NUP133: variants seen among roughly 807,000 people sequenced by gnomAD.
The protein encoded by NUP133 is nucleoporin 133.
A neutral mutation model predicts 146.2 loss-of-function variants in NUP133; 66 were observed. That is an observed-to-expected ratio of 0.45 (90% CI 0.37 to 0.55). The LOEUF is 0.55. Ranked by LOEUF, NUP133 falls within the 20% of genes least tolerant of loss-of-function variation. NUP133 has a pLI of 0.00. For missense variants in NUP133, 1,277 were observed against 1,374.8 expected, an observed-to-expected ratio of 0.93 and a Z score of 1.12; for synonymous variants, 521 against 498.8, an observed-to-expected ratio of 1.04 and a Z score of -0.59.
rs190247280 is a variant in NUP133, at chr1:229,445,023, G to A, written c.3246-21C>T. ...ACCAGCTAGAAAACAAAATCATTAT[G>A]AGGGAAAAATGAAATCACTGATATA... On this transcript the variant is annotated intron_variant, in intron 24 of 25. Coordinates refer to ENST00000261396, the MANE Select transcript of NUP133 (RefSeq NM_018230.3). 27 of 1,535,578 alleles carry A rather than the reference G, an allele frequency of 1.8e-5. No individual in the cohort carries two copies. The African/African-American group carries it at 2.7e-4, about 16-fold the overall frequency.
At position 229,466,806 on chromosome 1, in the gene NUP133, G is replaced by A. The variant is rs925362857; in HGVS notation, c.2077-50C>T. 6 of 1,589,302 alleles carry A rather than the reference G, an allele frequency of 3.8e-6. No homozygotes were observed. In the African/African-American group the frequency reaches 4.0e-5, roughly 11 times the overall value. The stretch of plus-strand genomic sequence containing the variant: ...TACTTACAACAAAAATTATGGTGAT[G>A]GGTAACAACTACCCAGTGAGTTTTA... On this transcript the variant is annotated intron_variant, in intron 15 of 25. Transcript: ENST00000261396.
chr1:229,497,279 A>G (rs894811393), intron 6 of NUP133, among the ~76,000 whole-genome samples: 1 of 152,236 alleles, frequency 6.6e-6, no homozygotes, highest in African/African-American at 2.4e-5. Flanking sequence ...AGAGGGAGAC[A>G]CAAAAAATAA....
At chr1:229,497,692 G>A (rs1386933299) in intron 6 of NUP133, among the ~76,000 whole-genome samples, 5 of 152,130 alleles carry the variant, frequency 3.3e-5, no homozygotes, top group Non-Finnish European at 5.9e-5. Context: ...ACCGAGCAGC[G>A]AGTAGATGGT....
chr1:229,503,171 G>A (rs1189839698), intron 2 of NUP133, among the ~76,000 whole-genome samples: 1 of 151,952 alleles, frequency 6.6e-6, no homozygotes, highest in Non-Finnish European at 1.5e-5. Flanking sequence ...CTAGCTACTC[G>A]GGAGGCTGAG....
intron 15 of NUP133, among the ~76,000 whole-genome samples, chr1:229,470,130 G>A (rs1231502349): frequency 1.3e-5 from 2 of 152,072 alleles, no homozygotes; most frequent in Non-Finnish European, 2.9e-5. Flanking sequence ...GCTGAGGCGA[G>A]TGGATCACCT....
chr1:229,505,564 TAAAAAAAAAAAAAAA>T (rs56383157), intron 2 of NUP133, among the ~76,000 whole-genome samples: 976 of 63,256 alleles, frequency 0.015, 17 homozygotes, highest in Middle Eastern at 0.077. Flanking sequence ...CAATTACAGT[TAAAAAAAAAAAAAAA>T]AAAAAAAAAA....
intron 25 of NUP133, among the ~76,000 whole-genome samples, chr1:229,443,893 T>TC (rs1223192699): frequency 2.3e-5 from 3 of 132,854 alleles, no homozygotes; most frequent in Non-Finnish European, 4.7e-5. Flanking sequence ...TGTGCTCAAC[T>TC]CTTTTTTTTT....
At chr1:229,483,725 T>C (rs1476760631) in intron 12 of NUP133, among the ~76,000 whole-genome samples, 1 of 150,948 alleles carries the variant, frequency 6.6e-6, no homozygotes, top group Non-Finnish European at 1.5e-5. Flanking sequence ...AAAAAAACTT[T>C]GTAAGCAACT....
intron 13 of NUP133, 121 bp from the exon 14 acceptor site, chr1:229,475,853 T>G (rs1016927698): frequency 5.5e-6 from 4 of 728,782 alleles, no homozygotes; most frequent in Non-Finnish European, 9.4e-6. Flanking sequence ...CTCACACCTG[T>G]AATCCGAGCA....
At position 229,499,818 on chromosome 1, in the gene NUP133, C is replaced by T; in HGVS notation, c.514G>A (p.Ala172Thr). The T allele has an allele frequency of 6.2e-7, 1 of 1,612,214 alleles. No individual in the cohort carries two copies. The highest frequency in any genetic ancestry group is 8.5e-7 in the Non-Finnish European group (1 of 1,178,936). The change falls in exon 5 of 26, where the codon GCT (alanine) becomes ACT (threonine). Residue 172 changes from alanine (A) to threonine (T), a missense_variant and splice_region_variant. By Grantham distance (58) the Ala-to-Thr change is moderately conservative. This residue lies in a region of NUP133 where 319 missense variants were observed against 306.9 expected (regional missense o/e 1.04). Transcript: ENST00000261396. Reference protein sequence around the residue: ...SPSGEAHSTQAVAVMVATREG... With the variant: ...SPSGEAHSTQTVAVMVATREG... Reference sequence around the variant, plus strand: ...CTGGTGGCAACCATGACAGCAACAGCCTCAAAACAAGATCACAACAATCAG... The same window carrying T: ...CTGGTGGCAACCATGACAGCAACAGTCTCAAAACAAGATCACAACAATCAG...
chr1:229,491,670 C>T (rs1484378568), intron 8 of NUP133, among the ~76,000 whole-genome samples: 3 of 152,060 alleles, frequency 2.0e-5, no homozygotes, highest in East Asian at 1.9e-4. Context: ...CTCAGCTACT[C>T]GGGAGGCTGA....
chr1:229,474,980 C>T (rs1320805041), intron 14 of NUP133, among the ~76,000 whole-genome samples: 1 of 152,064 alleles, frequency 6.6e-6, no homozygotes, highest in Non-Finnish European at 1.5e-5. Context: ...TGGCACAAAC[C>T]TGTAGTCCCA....
chr1:229,468,412 T>C (rs1660873302), intron 15 of NUP133, among the ~76,000 whole-genome samples: 1 of 152,188 alleles, frequency 6.6e-6, no homozygotes, highest in Non-Finnish European at 1.5e-5. Context: ...CCTTTATAAC[T>C]ACACCCCAGA....
intron 1 of NUP133, among the ~76,000 whole-genome samples, chr1:229,507,507 G>A (rs918038601): frequency 6.6e-6 from 1 of 150,850 alleles, no homozygotes; most frequent in Non-Finnish European, 1.5e-5. Flanking sequence ...AACTATCACA[G>A]TACTCTTAGC....
chr1:229,489,515 T>C (rs1055911749), intron 9 of NUP133, among the ~76,000 whole-genome samples: 3 of 152,226 alleles, frequency 2.0e-5, no homozygotes, highest in African/African-American at 7.2e-5. Flanking sequence ...TGCAACAATG[T>C]CTAGAAACAA....
chr1:229,470,493 A>T (rs189547987), intron 15 of NUP133, 87 bp downstream of exon 15: 3 of 1,090,122 alleles, frequency 2.8e-6, no homozygotes, highest in East Asian at 2.4e-5. Context: ...TTTGTGATTT[A>T]ACTCGTCCTC....
In NUP133 at chr1:229,484,111, G is replaced by C. The variant is rs144974683; in HGVS notation, c.1535C>G (p.Thr512Ser). ...MIFETTTKNE[T>S]IAQEDKIKLL... ...CTTGATTTTATCTTCCTGGGCTATA[G>C]TTTCATTCTTTGTAGTGGTCTCAAA... is the stretch of plus-strand genomic sequence containing the variant. Residue 512 changes from threonine to serine, a missense_variant, in exon 12 of 26, where the codon ACT becomes AGT. This residue lies in a region of NUP133 where 952 missense variants were observed against 1,047.0 expected (regional missense o/e 0.91). Coordinates refer to ENST00000261396, the MANE Select transcript of NUP133 (RefSeq NM_018230.3). 3 of 1,613,356 alleles carry C rather than the reference G, an allele frequency of 1.9e-6. No individual in the cohort carries two copies. The African/African-American group carries it at 4.0e-5, about 22-fold the overall frequency.
chr1:229,441,285 C>T lies in NUP133; in HGVS notation c.*619G>A. On this transcript the variant is annotated 3_prime_UTR_variant, in exon 26 of 26. Coordinates refer to ENST00000261396, the MANE Select transcript of NUP133 (RefSeq NM_018230.3). ...AGGTTAGAAAACCACATAAACGTTT[C>T]ATTCACTAAAATACTTTCATTAGTG... is the stretch of plus-strand genomic sequence containing the variant. 12 of 383,388 alleles carry T rather than the reference C, an allele frequency of 3.1e-5. No individual in the cohort carries two copies. Among genetic ancestry groups the T allele is most frequent in the South Asian group, 2.2e-4 (11 of 49,142 alleles). 23.7% of individuals were successfully genotyped at this position (383,388 alleles called of 1,614,324 possible).
chr1:229,464,323 G>C (rs1218536570), intron 18 of NUP133, among the ~76,000 whole-genome samples: 1 of 152,092 alleles, frequency 6.6e-6, no homozygotes, highest in African/African-American at 2.4e-5. Flanking sequence ...CCCTCACCAG[G>C]CTCTACTTTG....
Sources: allele counts gnomAD v4.1 joint callset (sites outside exome capture counted in the v4.1 genomes callset), GRCh38; gene constraint gnomAD v4.1.1; regional missense constraint gnomAD v4.1.1; transcripts MANE v1.5; gene names NCBI Gene and HGNC (gene_info 2026-07-23, HGNC 2026-07-21).